The following AGAP3 variants were observed in gnomAD, a reference collection of about 807,000 sequenced individuals.
AGAP3 encodes the protein arf-GAP with GTPase, ANK repeat and PH domain-containing protein 3.
In AGAP3, 24 loss-of-function variants were observed where a neutral mutation model predicts 96.9. That is an observed-to-expected ratio of 0.25 (90% CI 0.18 to 0.35). AGAP3 has a LOEUF of 0.35. Ranked by LOEUF, AGAP3 falls within the 10% of genes least tolerant of loss-of-function variation. AGAP3 has a pLI of 1.00. For synonymous variants in AGAP3, 563 were observed against 536.1 expected (o/e 1.05, Z -0.69); for missense variants, 876 against 1,254.2 (o/e 0.70, Z 4.55).
intron 1 of AGAP3, among the ~76,000 whole-genome samples, chr7:151,101,447 C>T (rs914310963): frequency 6.6e-6 from 1 of 152,202 alleles, no homozygotes; most frequent in Non-Finnish European, 1.5e-5. Context: ...GCCTGGGTTC[C>T]TAAAGGTCTC....
At chr7:151,125,755 C>T (rs969472568) in intron 9 of AGAP3, among the ~76,000 whole-genome samples, 1 of 152,262 alleles carries the variant, frequency 6.6e-6, no homozygotes, top group African/African-American at 2.4e-5. Flanking sequence ...CCCCCCAGCT[C>T]CTGCTGGGAG....
chr7:151,132,649 T>C (rs554618523), intron 10 of AGAP3, among the ~76,000 whole-genome samples: 1 of 152,324 alleles, frequency 6.6e-6, no homozygotes, highest in African/African-American at 2.4e-5. Context: ...CGCGTGCTGA[T>C]GCCAGGCCTT....
intron 8 of AGAP3, chr7:151,123,260 A>G: frequency 9.5e-7 from 1 of 1,053,086 alleles, no homozygotes; most frequent in Non-Finnish European, 1.1e-6. Flanking sequence ...TAGGATCCGC[A>G]TTCGGGTGGA....
chr7:151,122,763 G>T (rs1799971384), intron 8 of AGAP3: 2 of 1,613,716 alleles, frequency 1.2e-6, no homozygotes. Flanking sequence ...CAACAAAAAG[G>T]CCTTTCCAAC....
rs1798155207 is a variant in AGAP3 at position 151,086,617 on chromosome 7, GCCGCCAGCCCAGTAGTCCCGGCC to G, written c.-114_-92del. 1.3e-5 allele frequency: 2 copies of G among 149,492 alleles called. No individual in the cohort carries two copies. The highest frequency in any genetic ancestry group is 2.5e-5 in the African/African-American group (1 of 40,754). 9.3% of individuals were successfully genotyped at this position (149,492 alleles called of 1,614,324 possible). ...CCCCGGCTCCATGCGCTAGCCCCGC[GCCGCCAGCCCAGTAGTCCCGGCC>G]CCGCCAGCCCCGCGCTCCCGCTCGC... On this transcript the variant is annotated 5_prime_UTR_variant, in exon 1 of 18. Transcript: ENST00000397238.
intron 1 of AGAP3, among the ~76,000 whole-genome samples, chr7:151,103,326 G>A (rs967661364): frequency 6.6e-6 from 1 of 152,214 alleles, no homozygotes; most frequent in African/African-American, 2.4e-5. Context: ...CAGGGAGAAA[G>A]ATAAGACCTT....
chr7:151,132,422 C>A (rs1033874731), intron 10 of AGAP3, among the ~76,000 whole-genome samples: 1 of 152,162 alleles, frequency 6.6e-6, no homozygotes, highest in African/African-American at 2.4e-5. Context: ...GGCAGGAGGG[C>A]ATAGGTAAGC....
intron 10 of AGAP3, among the ~76,000 whole-genome samples, chr7:151,132,247 G>A (rs992394547): frequency 2.6e-5 from 4 of 152,218 alleles, no homozygotes; most frequent in Non-Finnish European, 4.4e-5. Context: ...GTCCTTCTCC[G>A]CCAAGTGTGG....
chr7:151,140,294 GA>G lies in AGAP3; in HGVS notation c.1804+182del. The G allele has an allele frequency of 3.0e-6, 2 of 676,294 alleles. No individual in the cohort carries two copies. Among genetic ancestry groups the G allele is most frequent in the South Asian group, 1.1e-4 (2 of 17,850 alleles). 41.9% of individuals were successfully genotyped at this position (676,294 alleles called of 1,614,324 possible). On this transcript the variant is annotated intron_variant, in intron 13 of 17. Coordinates refer to ENST00000397238, the MANE Select transcript of AGAP3 (RefSeq NM_031946.7). This position sits in a 1 kb window ranked among gnomAD's most constrained non-coding sequence, Gnocchi z 5.4. ...TTGGTAATCTAGACCTGGTATCTTA[GA>G]AAAGTTCTTCTGATAACTGAAACCC...
intron 1 of AGAP3, among the ~76,000 whole-genome samples, chr7:151,111,973 G>C (rs1799307652): frequency 6.6e-6 from 1 of 152,218 alleles, no homozygotes; most frequent in South Asian, 2.1e-4. Context: ...TTCGGGCCCA[G>C]TAGGTAGTGG....
chr7:151,114,677 G>A lies in AGAP3; in HGVS notation c.332-2116G>A, dbSNP rs1203290563. On this transcript the variant is annotated intron_variant, in intron 1 of 17. Transcript: ENST00000397238. This position sits in a 1 kb window ranked among gnomAD's most constrained non-coding sequence, Gnocchi z 4.4. ...GGTCGGCCCACACCAGGTGCCCAGAGGCCGGAGGTCCGTGCGCCCCGGCCG... is the reference window on the plus strand; with the variant it reads ...GGTCGGCCCACACCAGGTGCCCAGAAGCCGGAGGTCCGTGCGCCCCGGCCG... 51 of 987,400 alleles carry A rather than the reference G, an allele frequency of 5.2e-5. No homozygotes were observed. Among genetic ancestry groups the A allele is most frequent in the Non-Finnish European group, 6.1e-5 (51 of 830,358 alleles). 61.2% of individuals were successfully genotyped at this position (987,400 alleles called of 1,614,324 possible).
rs547088089 is a variant in AGAP3, at chr7:151,140,202, A to T, written c.1804+86A>T. On this transcript the variant is annotated intron_variant, in intron 13 of 17. Coordinates refer to ENST00000397238, the MANE Select transcript of AGAP3 (RefSeq NM_031946.7). The surrounding 1 kb of genome is among the most constrained non-coding windows in gnomAD (Gnocchi z 5.4). ...ACCCTAAAAGTAACACCTATTTTTT[A>T]TTTTTTGTATTCAGTGGATTAAGCA... The T allele has an allele frequency of 4.5e-6, 6 of 1,318,868 alleles. No individual in the cohort carries two copies. The South Asian group carries it at 1.3e-4, about 28-fold the overall frequency. The allele number at this position is 1,318,868 out of a possible 1,614,324, so 81.7% of individuals were successfully genotyped here.
chr7:151,141,729 T>C lies in AGAP3; in HGVS notation c.1805-169T>C, dbSNP rs1451021794. ...TCACACTAGTCTTGCAGGTTTACTC[T>C]GGCCTCCCCCTGCAAGCTGTCCTGG... On this transcript the variant is annotated intron_variant, in intron 13 of 17. Coordinates refer to ENST00000397238, the MANE Select transcript of AGAP3 (RefSeq NM_031946.7). This position sits in a 1 kb window ranked among gnomAD's most constrained non-coding sequence, Gnocchi z 4.2. The C allele has an allele frequency of 1.1e-5, 8 of 743,568 alleles. No individual in the cohort carries two copies. Among genetic ancestry groups the C allele is most frequent in the Non-Finnish European group, 1.3e-5 (6 of 447,932 alleles). The allele number at this position is 743,568 out of a possible 1,614,324, so 46.1% of individuals were successfully genotyped here. A position where few individuals can be genotyped will look rare whatever the true frequency, so the allele number is the denominator to read the frequency against.
In AGAP3 at chr7:151,116,554, GGACTGAGCCCACAGC is replaced by G. The variant is rs949682404; in HGVS notation, c.332-238_332-224del. The G allele has an allele frequency of 5.4e-6, 3 of 559,818 alleles. No individual in the cohort carries two copies. The African/African-American group carries it at 5.7e-5, about 11-fold the overall frequency. The allele number at this position is 559,818 out of a possible 1,614,324, so 34.7% of individuals were successfully genotyped here. On this transcript the variant is annotated intron_variant, in intron 1 of 17. Coordinates refer to ENST00000397238, the MANE Select transcript of AGAP3 (RefSeq NM_031946.7). ...GAAGGACACAGGGCCGAAACCAGGG[GGACTGAGCCCACAGC>G]CCTCAGAGTCCTGTTCTGAAGACCA... is the stretch of plus-strand genomic sequence containing the variant.
At chr7:151,099,888 C>G (rs934755896) in intron 1 of AGAP3, among the ~76,000 whole-genome samples, 1 of 152,238 alleles carries the variant, frequency 6.6e-6, no homozygotes, top group Non-Finnish European at 1.5e-5. Flanking sequence ...TAAACACACA[C>G]GGACTCTTGG....
In AGAP3 at chr7:151,123,877, C is replaced by T. The variant is rs1800040689; in HGVS notation, c.1212C>T (p.Pro404=). ...VDSIGSGRAI[P]IKQGILLKRS... is the part of the protein sequence containing the mutation. The stretch of plus-strand genomic sequence containing the variant: ...GCATCGGGAGCGGCCGCGCCATCCC[C>T]ATCAAGCAGGTCAGCGCCTCCCTTC... The change falls in exon 9 of 18, where the codon CCC becomes CCT. Residue 404 remains proline, a synonymous_variant. Coordinates refer to ENST00000397238, the MANE Select transcript of AGAP3 (RefSeq NM_031946.7). 6.2e-7 allele frequency: 1 copy of T among 1,608,302 alleles called. No individual in the cohort carries two copies. Among genetic ancestry groups the T allele is most frequent in the East Asian group, 2.2e-5 (1 of 44,882 alleles).
chr7:151,122,262 C>T (rs1427819767), intron 8 of AGAP3, among the ~76,000 whole-genome samples: 1 of 152,222 alleles, frequency 6.6e-6, no homozygotes, highest in Non-Finnish European at 1.5e-5. Flanking sequence ...GGCGGTGCCG[C>T]CTGTGGAGCT....
In AGAP3 at chr7:151,139,777, C is replaced by T; in HGVS notation, c.1667-202C>T. On this transcript the variant is annotated intron_variant, in intron 12 of 17. Transcript: ENST00000397238. The surrounding 1 kb of genome is among the most constrained non-coding windows in gnomAD (Gnocchi z 4.9). ...GCCTAAGTTTCCTATTCTCTTTCCA[C>T]ATTTTCCTCCTCCAAGGCTGGGGAG... The T allele has an allele frequency of 2.3e-6, 1 of 429,308 alleles. No individual in the cohort carries two copies. Among genetic ancestry groups the T allele is most frequent in the South Asian group, 7.5e-5 (1 of 13,254 alleles). 26.6% of individuals were successfully genotyped at this position (429,308 alleles called of 1,614,324 possible). A position where few individuals can be genotyped will look rare whatever the true frequency, so the allele number is the denominator to read the frequency against.
chr7:151,101,217 G>A (rs1355650005), intron 1 of AGAP3, among the ~76,000 whole-genome samples: 1 of 152,258 alleles, frequency 6.6e-6, no homozygotes, highest in East Asian at 1.9e-4. Flanking sequence ...TACTTCTGTA[G>A]TGGGTCCACA....
Sources: allele counts gnomAD v4.1 joint callset (sites outside exome capture counted in the v4.1 genomes callset), GRCh38; gene constraint gnomAD v4.1.1; non-coding constraint Gnocchi (gnomAD v3.1); transcripts MANE v1.5; gene names NCBI Gene and HGNC (gene_info 2026-07-23, HGNC 2026-07-21).